The following PCDHGA8 variants were observed in gnomAD, a reference collection of about 807,000 sequenced individuals.
PCDHGA8 encodes the protein protocadherin gamma subfamily A, 8.
A neutral mutation model predicts 59.2 loss-of-function variants in PCDHGA8; 45 were observed. The ratio of observed to expected loss-of-function variants is 0.76; its 90% CI spans 0.60 to 0.98. PCDHGA8 has a LOEUF of 0.98. Among genes scored for constraint, PCDHGA8 ranks in the 50% least tolerant of loss-of-function variants. The probability of loss-of-function intolerance (pLI) is 0.00; values close to 1 mark genes in which losing one functional copy is unlikely to be tolerated. For missense variants in PCDHGA8, 1,257 were observed against 1,196.2 expected, an observed-to-expected ratio of 1.05 and a Z score of -0.75; for synonymous variants, 531 against 519.0, an observed-to-expected ratio of 1.02 and a Z score of -0.32.
chr5:141,398,752 C>G lies in PCDHGA8; in HGVS notation c.2424+3515C>G, dbSNP rs1196162576. On this transcript the variant is annotated intron_variant, in intron 1 of 3. Coordinates refer to ENST00000398604, the MANE Select transcript of PCDHGA8 (RefSeq NM_032088.2). ...AGACCGGGAACAACAGAGTTACCAT[C>G]GTTTAGTCCTGACTGCCTTGGACGG... is the stretch of plus-strand genomic sequence containing the variant. The G allele has an allele frequency of 7.4e-6, 12 of 1,613,482 alleles. No homozygotes were observed. In the South Asian group the frequency reaches 1.2e-4, roughly 16 times the overall value.
At chr5:141,483,919 G>T (rs912152955) in intron 1 of PCDHGA8, among the ~76,000 whole-genome samples, 2 of 151,008 alleles carry the variant, frequency 1.3e-5, no homozygotes, top group South Asian at 2.1e-4. Flanking sequence ...CACTCAGATT[G>T]CAGGTCGTAG....
At chr5:141,467,767 C>T (rs72790060) in intron 1 of PCDHGA8, among the ~76,000 whole-genome samples, 25,555 of 151,632 alleles carry the variant, frequency 0.17, 2,195 homozygotes, top group South Asian at 0.22. Context: ...GCTCAAGTGC[C>T]CGCACCTCAG....
At chr5:141,422,345 A>G in intron 1 of PCDHGA8, 1 of 1,551,648 alleles carries the variant, frequency 6.4e-7, no homozygotes, top group South Asian at 1.3e-5. Context: ...CTAAATGTGC[A>G]AGATCAAGAT....
Position 141,432,075 on chromosome 5 carries a change from C to T in PCDHGA8, c.2424+36838C>T. On this transcript the variant is annotated intron_variant, in intron 1 of 3. Transcript: ENST00000398604. The surrounding 1 kb of genome is among the most constrained non-coding windows in gnomAD (Gnocchi z 6.0). ...CCCCTATCCACGGAAACTCATATCT[C>T]GCTGAACGTGGCAGACACCAACGAC... 3 of 1,614,204 alleles carry T rather than the reference C, an allele frequency of 1.9e-6. No homozygotes were observed. Among genetic ancestry groups the T allele is most frequent in the Non-Finnish European group, 2.5e-6 (3 of 1,180,046 alleles).
rs1589161528 is a variant in PCDHGA8 at position 141,392,764 on chromosome 5, C to T, written c.-50C>T. ...AGCTGCGGCAAGAAACTAAATAAGA[C>T]CCATTTATGCACAGTGAAGATTCTG... On this transcript the variant is annotated 5_prime_UTR_variant, in exon 1 of 4. Transcript: ENST00000398604. 2 of 1,480,722 alleles carry T rather than the reference C, an allele frequency of 1.4e-6. No individual in the cohort carries two copies. Among genetic ancestry groups the T allele is most frequent in the South Asian group, 2.8e-5 (2 of 71,260 alleles). The allele number at this position is 1,480,722 out of a possible 1,614,324, so 91.7% of individuals were successfully genotyped here.
chr5:141,485,192 A>T lies in PCDHGA8; in HGVS notation c.2425-9615A>T. 1.2e-6 allele frequency: 2 copies of T among 1,613,942 alleles called. No individual in the cohort carries two copies. Among genetic ancestry groups the T allele is most frequent in the African/African-American group, 2.7e-5 (2 of 75,048 alleles). On this transcript the variant is annotated intron_variant, in intron 1 of 3. Transcript: ENST00000398604. The surrounding 1 kb of genome is among the most constrained non-coding windows in gnomAD (Gnocchi z 5.7). ...GGCAGCAATGCTCCGCAAGGTGAGA[A>T]GCTGGACAGAAATCTGGCGGTGGGC... is the stretch of plus-strand genomic sequence containing the variant.
At position 141,486,449 on chromosome 5, in the gene PCDHGA8, A is replaced by G; in HGVS notation, c.2425-8358A>G. On this transcript the variant is annotated intron_variant, in intron 1 of 3. Coordinates refer to ENST00000398604, the MANE Select transcript of PCDHGA8 (RefSeq NM_032088.2). The surrounding 1 kb of genome is among the most constrained non-coding windows in gnomAD (Gnocchi z 5.0). The stretch of plus-strand genomic sequence containing the variant: ...CAAATCTAGCTATGACATCATGGTC[A>G]CTGCTTCTGATGCTGGGAACCCTCC... The G allele has an allele frequency of 6.2e-7, 1 of 1,614,184 alleles. No homozygotes were observed. Among genetic ancestry groups the G allele is most frequent in the Non-Finnish European group, 8.5e-7 (1 of 1,180,000 alleles).
chr5:141,466,223 T>C (rs1313406487), intron 1 of PCDHGA8, among the ~76,000 whole-genome samples: 1 of 152,096 alleles, frequency 6.6e-6, no homozygotes, highest in African/African-American at 2.4e-5. Context: ...CAGGCTGGAG[T>C]GCAGTGGCAC....
At chr5:141,411,556 C>A (rs2095498108) in intron 1 of PCDHGA8, 1 of 152,200 alleles carries the variant, frequency 6.6e-6, no homozygotes, top group Non-Finnish European at 1.5e-5. Context: ...TGCACTCCAG[C>A]CTGGGCGACA....
At chr5:141,420,403 G>T in intron 1 of PCDHGA8, 3 of 1,246,014 alleles carry the variant, frequency 2.4e-6, no homozygotes, top group East Asian at 2.8e-5. Context: ...TCAAATTTAT[G>T]GTTATCATTA....
chr5:141,432,663 G>A lies in PCDHGA8; in HGVS notation c.2424+37426G>A. ...CGCACGGCGCGAGCCCTGCTGGACA[G>A]AGACGCGCTCAAGCAGAGCCTCGTA... On this transcript the variant is annotated intron_variant, in intron 1 of 3. Coordinates refer to ENST00000398604, the MANE Select transcript of PCDHGA8 (RefSeq NM_032088.2). This position sits in a 1 kb window ranked among gnomAD's most constrained non-coding sequence, Gnocchi z 6.0. 1 of 1,613,886 alleles carries A rather than the reference G, an allele frequency of 6.2e-7. No individual in the cohort carries two copies. Among genetic ancestry groups the A allele is most frequent in the Non-Finnish European group, 8.5e-7 (1 of 1,179,952 alleles).
chr5:141,471,893 T>G (rs1289667371), intron 1 of PCDHGA8, among the ~76,000 whole-genome samples: 1 of 152,166 alleles, frequency 6.6e-6, no homozygotes, highest in African/African-American at 2.4e-5. Flanking sequence ...CTAGGAAGAT[T>G]GACTACAGAC....
chr5:141,399,162 C>T (rs1174255078), intron 1 of PCDHGA8: 1 of 1,613,664 alleles, frequency 6.2e-7, no homozygotes, highest in South Asian at 1.1e-5. Context: ...AAGTTACATT[C>T]CATTCTCTAC....
chr5:141,501,326 CA>C (rs1562200763), intron 2 of PCDHGA8, among the ~76,000 whole-genome samples: 18 of 151,784 alleles, frequency 1.2e-4, no homozygotes, highest in African/African-American at 1.9e-4. Flanking sequence ...CACACACACA[CA>C]CACACACCCC....
chr5:141,431,090 G>C lies in PCDHGA8; in HGVS notation c.2424+35853G>C. On this transcript the variant is annotated intron_variant, in intron 1 of 3. Transcript: ENST00000398604. The surrounding 1 kb of genome is among the most constrained non-coding windows in gnomAD (Gnocchi z 4.8). ...TCAATTAAATCTAGACATTCTGATG[G>C]AGGATAAAGTGAAAATATATGGAGT... is the stretch of plus-strand genomic sequence containing the variant. 6.2e-7 allele frequency: 1 copy of C among 1,614,246 alleles called. No homozygotes were observed. The highest frequency in any genetic ancestry group is 8.5e-7 in the Non-Finnish European group (1 of 1,180,032).
intron 1 of PCDHGA8, chr5:141,418,621 C>T: frequency 6.2e-7 from 1 of 1,614,034 alleles, no homozygotes; most frequent in Non-Finnish European, 8.5e-7. Flanking sequence ...TTCGGGAAGA[C>T]GTGCCTCCAG....
chr5:141,416,120 A>C (rs2095996372), intron 1 of PCDHGA8: 1 of 155,288 alleles, frequency 6.4e-6, no homozygotes, highest in African/African-American at 2.4e-5. Context: ...ACTACATTTT[A>C]TATATTTTTC....
intron 1 of PCDHGA8, chr5:141,478,104 CTG>C: frequency 6.2e-7 from 1 of 1,614,118 alleles, no homozygotes; most frequent in Middle Eastern, 1.6e-4. Context: ...GCTACCCTCA[CTG>C]TGTCAGTAAC....
At chr5:141,497,464 T>G (rs1277760390) in intron 2 of PCDHGA8, among the ~76,000 whole-genome samples, 1 of 151,764 alleles carries the variant, frequency 6.6e-6, no homozygotes, top group Non-Finnish European at 1.5e-5. Flanking sequence ...CTTGGAGATA[T>G]GGAGGAGAAG....
Sources: allele counts gnomAD v4.1 joint callset (sites outside exome capture counted in the v4.1 genomes callset), GRCh38; gene constraint gnomAD v4.1.1; non-coding constraint Gnocchi (gnomAD v3.1); transcripts MANE v1.5; gene names NCBI Gene and HGNC (gene_info 2026-07-23, HGNC 2026-07-21).